POU2F3: variants seen among roughly 807,000 people sequenced by gnomAD.
The protein encoded by POU2F3 is POU class 2 homeobox 3, also known as POU domain, class 2, transcription factor 3.
Under a neutral mutation model 59.2 loss-of-function variants are expected in POU2F3, and 23 were observed. The observed-to-expected ratio is 0.39, with a 90% CI of 0.28 to 0.55. The LOEUF is 0.55. Ranked by LOEUF, POU2F3 falls within the 20% of genes least tolerant of loss-of-function variation. The pLI, the probability that POU2F3 is intolerant of heterozygous loss-of-function variation, is 0.66. For synonymous variants in POU2F3, 190 were observed against 214.6 expected, an observed-to-expected ratio of 0.89 and a Z score of 1.00; for missense variants, 473 against 544.5, an observed-to-expected ratio of 0.87 and a Z score of 1.31.
intron 2 of POU2F3, among the ~76,000 whole-genome samples, chr11:120,254,633 G>A (rs1017900952): frequency 6.6e-6 from 1 of 152,236 alleles, no homozygotes; most frequent in African/African-American, 2.4e-5. Context: ...TGGAGGAAGA[G>A]GGCCAGAGTC....
chr11:120,243,362 T>G (rs1260839944), intron 1 of POU2F3, among the ~76,000 whole-genome samples: 1 of 152,016 alleles, frequency 6.6e-6, no homozygotes, highest in Admixed American at 6.5e-5. Flanking sequence ...GCCTGCAGCC[T>G]GTGGGGAGTG....
intron 6 of POU2F3, 139 bp downstream of exon 6, chr11:120,302,507 A>T: frequency 1.4e-6 from 1 of 736,340 alleles, no homozygotes; most frequent in Non-Finnish European, 2.2e-6. Flanking sequence ...ATCCATTGGC[A>T]CAGGGGAAAT....
chr11:120,313,808 G>A (rs537021219), intron 10 of POU2F3, among the ~76,000 whole-genome samples: 6 of 152,176 alleles, frequency 3.9e-5, no homozygotes, highest in Non-Finnish European at 7.3e-5. Flanking sequence ...GAGGTTAGGA[G>A]TTCGAGACCA....
At chr11:120,257,866 G>C (rs1050843096) in intron 2 of POU2F3, among the ~76,000 whole-genome samples, 2 of 152,294 alleles carry the variant, frequency 1.3e-5, no homozygotes, top group South Asian at 2.1e-4. Context: ...CATGCATTTT[G>C]GTGGCCAGCA....
intron 2 of POU2F3, among the ~76,000 whole-genome samples, chr11:120,255,662 C>T (rs1939309573): frequency 6.6e-6 from 1 of 152,108 alleles, no homozygotes; most frequent in Admixed American, 6.5e-5. Flanking sequence ...CCCTTCCCAC[C>T]CCATCTCCAC....
chr11:120,244,222 C>T (rs1938780271), intron 1 of POU2F3, among the ~76,000 whole-genome samples: 1 of 152,086 alleles, frequency 6.6e-6, no homozygotes, highest in Non-Finnish European at 1.5e-5. Context: ...AGATAAAGGA[C>T]AAATTACAAT....
chr11:120,260,122 C>T (rs983893260), intron 2 of POU2F3, among the ~76,000 whole-genome samples: 3 of 152,254 alleles, frequency 2.0e-5, no homozygotes, highest in African/African-American at 7.2e-5. Flanking sequence ...GGCTCGGCCC[C>T]ATTGCCGAAT....
At chr11:120,284,636 G>A (rs1444960035) in intron 3 of POU2F3, among the ~76,000 whole-genome samples, 1 of 152,114 alleles carries the variant, frequency 6.6e-6, no homozygotes. Flanking sequence ...CTTACTAAAC[G>A]CCCCTTAGGA....
rs1938604635 is a variant in POU2F3 at position 120,240,291 on chromosome 11, G to C, written c.-53G>C. 2.3e-6 allele frequency: 3 copies of C among 1,302,788 alleles called. No homozygotes were observed. In the South Asian group the frequency reaches 8.1e-5, roughly 35 times the overall value. The allele number at this position is 1,302,788 out of a possible 1,614,324, so 80.7% of individuals were successfully genotyped here. A position where few individuals can be genotyped will look rare whatever the true frequency, so the allele number is the denominator to read the frequency against. ...CTGGCTTCGCAGGGGCCCCGGCTGGGGCAGAGGCGAGGGGCCTGGGGGGGC... is the reference window on the plus strand; with the variant it reads ...CTGGCTTCGCAGGGGCCCCGGCTGGCGCAGAGGCGAGGGGCCTGGGGGGGC... On this transcript the variant is annotated 5_prime_UTR_variant, in exon 1 of 13. Transcript: ENST00000543440.
At chr11:120,310,565 T>A (rs139732130) in intron 10 of POU2F3, among the ~76,000 whole-genome samples, 1 of 152,248 alleles carries the variant, frequency 6.6e-6, no homozygotes, top group East Asian at 1.9e-4. Flanking sequence ...AGGAAATACC[T>A]TCTCCATGCA....
intron 8 of POU2F3, 55 bp from the exon 9 acceptor site, chr11:120,307,424 C>T: frequency 6.3e-7 from 1 of 1,593,138 alleles, no homozygotes; most frequent in African/African-American, 1.3e-5. Flanking sequence ...TCCATGAAGG[C>T]ACCGGCCACT....
Position 120,293,672 on chromosome 11 carries a change from A to G in POU2F3, c.133-4593A>G, listed in dbSNP as rs149347435. Among the ~76,000 whole-genome samples the G allele has an allele frequency of 1.9e-3, 293 of 152,308 alleles. 1 individual carries two copies. Among genetic ancestry groups the G allele is most frequent in the African/African-American group, 6.8e-3 (281 of 41,570 alleles). On this transcript the variant is annotated intron_variant, in intron 3 of 12. Coordinates refer to ENST00000543440, the MANE Select transcript of POU2F3 (RefSeq NM_014352.4). ...CATTTTCATCACCAGTGATATATTC[A>G]TTAGTGTTGAGCTGTCTTCCCCCAG...
intron 10 of POU2F3, among the ~76,000 whole-genome samples, chr11:120,313,248 G>A (rs1461645077): frequency 6.6e-6 from 1 of 152,296 alleles, no homozygotes; most frequent in East Asian, 1.9e-4. Context: ...GGGGCCTAGA[G>A]GAGCCATGCA....
At chr11:120,260,606 A>G (rs1353377031) in intron 2 of POU2F3, among the ~76,000 whole-genome samples, 3 of 152,192 alleles carry the variant, frequency 2.0e-5, no homozygotes, top group Admixed American at 6.5e-5. Context: ...AATTCTGTGG[A>G]CCTAGATGTT....
At chr11:120,294,973 AAG>A (rs1425937881) in intron 3 of POU2F3, among the ~76,000 whole-genome samples, 1 of 152,236 alleles carries the variant, frequency 6.6e-6, no homozygotes, top group Non-Finnish European at 1.5e-5. Flanking sequence ...AAAATTATAA[AAG>A]AGTAAAAAGT....
intron 2 of POU2F3, among the ~76,000 whole-genome samples, chr11:120,258,542 A>C (rs1182132810): frequency 3.3e-5 from 5 of 152,038 alleles, no homozygotes; most frequent in African/African-American, 1.2e-4. Flanking sequence ...AGCACAAAAA[A>C]GCTCTGATAG....
At chr11:120,304,978 A>C in intron 6 of POU2F3, 52 bp from the exon 7 acceptor site, 1 of 1,128,680 alleles carries the variant, frequency 8.9e-7, no homozygotes, top group Non-Finnish European at 1.3e-6. Flanking sequence ...AAAATCAGAA[A>C]ATGTTATTTA....
intron 5 of POU2F3, chr11:120,300,979 T>G (rs1021064579): frequency 6.6e-6 from 3 of 453,732 alleles, no homozygotes; most frequent in Non-Finnish European, 1.3e-5. Flanking sequence ...TTTATTTTGG[T>G]TAAAAAATAA....
intron 3 of POU2F3, 51 bp from the exon 4 acceptor site, chr11:120,298,214 A>T (rs763093229): frequency 9.4e-5 from 147 of 1,560,348 alleles, no homozygotes; most frequent in Non-Finnish European, 1.2e-4. Context: ...TCCATCTCTG[A>T]CTGCCTGACG....
Sources: gnomAD v4.1 joint callset for allele counts (sites outside exome capture counted in the v4.1 genomes callset) on GRCh38, gnomAD v4.1.1 for gene constraint, MANE v1.5 for transcripts, NCBI Gene and HGNC (gene_info 2026-07-23, HGNC 2026-07-21) for gene names.